The following JAKMIP3 variants were observed in gnomAD, a reference collection of about 807,000 sequenced individuals.
JAKMIP3 encodes Janus kinase and microtubule interacting protein 3, also known as janus kinase and microtubule-interacting protein 3.
A neutral mutation model predicts 118.5 loss-of-function variants in JAKMIP3; 58 were observed. That is an observed-to-expected ratio of 0.49 (90% CI 0.40 to 0.61). The LOEUF (loss-of-function observed/expected upper bound fraction) is 0.61. JAKMIP3 is among the 20% of genes least tolerant of loss of function. The probability of loss-of-function intolerance (pLI) is 0.00; values close to 1 mark genes in which losing one functional copy is unlikely to be tolerated. For synonymous variants in JAKMIP3, 486 were observed against 451.2 expected, an observed-to-expected ratio of 1.08 and a Z score of -0.98; for missense variants, 950 against 1,109.0, an observed-to-expected ratio of 0.86 and a Z score of 2.04.
At chr10:132,159,747 G>T (rs1372985945) in intron 19 of JAKMIP3, among the ~76,000 whole-genome samples, 1 of 80,926 alleles carries the variant, frequency 1.2e-5, no homozygotes, top group African/African-American at 5.4e-5. Context: ...TGATACTGGG[G>T]GGGCCTCTTC....
intron 2 of JAKMIP3, among the ~76,000 whole-genome samples, chr10:132,106,684 G>A (rs375416876): frequency 5.3e-5 from 8 of 152,192 alleles, no homozygotes; most frequent in Admixed American, 2.0e-4. Flanking sequence ...GCCCCGACTC[G>A]CTGCAGGAGC....
rs2044247823 is a variant in JAKMIP3, at chr10:132,097,989, C to CCCTTTT, written c.-137-6681_-137-6680insTTTTCC. On this transcript the variant is annotated intron_variant, in intron 1 of 23. Transcript: ENST00000684848. ...TCCTTCCTTTTCTCCCCTTCCCCTT[C>CCCTTTT]CCCTTCCCCTTCCCCTCCTTCCTTT... Among the ~76,000 whole-genome samples, 2 of 78,284 alleles carry CCCTTTT rather than the reference C, an allele frequency of 2.6e-5. 1 individual carries two copies. Among genetic ancestry groups the CCCTTTT allele is most frequent in the African/African-American group, 8.1e-5 (2 of 24,634 alleles). 51.4% of individuals were successfully genotyped at this position (78,284 alleles called of 152,430 possible).
At chr10:132,042,592 G>A (rs1484611911) in intron 1 of JAKMIP3, among the ~76,000 whole-genome samples, 1 of 152,142 alleles carries the variant, frequency 6.6e-6, no homozygotes, top group African/African-American at 2.4e-5. Context: ...CTGGCTGCAG[G>A]GATGAGTGCA....
chr10:132,182,581 T>C lies in JAKMIP3; in HGVS notation c.*1328T>C, dbSNP rs1469747223. On this transcript the variant is annotated 3_prime_UTR_variant, in exon 24 of 24. Coordinates refer to ENST00000684848, the MANE Select transcript of JAKMIP3 (RefSeq NM_001323087.2). ...CTCACTTGTGTGCACAAGCATGCGT[T>C]TATGCATGTTTTCACGCAACCAGAA... is the stretch of plus-strand genomic sequence containing the variant. The C allele has an allele frequency of 6.6e-6, 1 of 152,118 alleles. No homozygotes were observed. The highest frequency in any genetic ancestry group is 2.4e-5 in the African/African-American group (1 of 41,410). 9.4% of individuals were successfully genotyped at this position (152,118 alleles called of 1,614,324 possible). A position where few individuals can be genotyped will look rare whatever the true frequency, so the allele number is the denominator to read the frequency against.
intron 8 of JAKMIP3, 95 bp downstream of exon 8, chr10:132,137,384 C>T (rs945333330): frequency 3.4e-6 from 5 of 1,472,390 alleles, no homozygotes; most frequent in African/African-American, 1.4e-5. Context: ...ACAGACCAGA[C>T]AGAAGCGGCC....
chr10:132,182,033 G>A (rs985868997), intron 23 of JAKMIP3, among the ~76,000 whole-genome samples: 1 of 152,266 alleles, frequency 6.6e-6, no homozygotes, highest in Non-Finnish European at 1.5e-5. Flanking sequence ...GGGAAGTTGG[G>A]TAGAAACCGG....
At chr10:132,172,718 C>T (rs2059620402) in intron 23 of JAKMIP3, among the ~76,000 whole-genome samples, 1 of 151,908 alleles carries the variant, frequency 6.6e-6, no homozygotes, top group African/African-American at 2.4e-5. Flanking sequence ...CTGCAAAGCA[C>T]TCTCTTCCTC....
chr10:132,182,019 A>G (rs886919149), intron 23 of JAKMIP3, among the ~76,000 whole-genome samples: 3 of 152,264 alleles, frequency 2.0e-5, no homozygotes, highest in Admixed American at 1.3e-4. Context: ...TTTCTAAGCA[A>G]TGAGGGAAGT....
At chr10:132,076,927 C>T (rs1158778655) in intron 1 of JAKMIP3, among the ~76,000 whole-genome samples, 3 of 140,402 alleles carry the variant, frequency 2.1e-5, no homozygotes, top group East Asian at 2.1e-4. Flanking sequence ...CCGGATCTGA[C>T]AGCAGTGTGA....
At chr10:132,105,716 G>A (rs912671852) in intron 2 of JAKMIP3, among the ~76,000 whole-genome samples, 3 of 152,210 alleles carry the variant, frequency 2.0e-5, no homozygotes, top group Admixed American at 6.5e-5. Context: ...AGGAGAAGGC[G>A]AGGGAGAGAG....
intron 10 of JAKMIP3, among the ~76,000 whole-genome samples, 195 bp downstream of exon 10, chr10:132,140,774 C>T (rs1344006135): frequency 1.3e-5 from 2 of 152,194 alleles, no homozygotes; most frequent in African/African-American, 4.8e-5. Context: ...GACTCGGGCA[C>T]GGTGAGAAGC....
chr10:132,140,560 C>T lies in JAKMIP3; in HGVS notation c.1454C>T (p.Pro485Leu), dbSNP rs764540181. The T allele has an allele frequency of 5.0e-6, 8 of 1,601,070 alleles. No homozygotes were observed. Among genetic ancestry groups the T allele is most frequent in the South Asian group, 3.3e-5 (3 of 89,674 alleles). The change falls in exon 10 of 24, where the codon CCG becomes CTG. Residue 485 changes from proline to leucine, a missense_variant. By Grantham distance (98) the Pro-to-Leu change is moderately conservative. Coordinates refer to ENST00000684848, the MANE Select transcript of JAKMIP3 (RefSeq NM_001323087.2). ...AGGACGGACCAGACCCCGTGCACCC[C>T]GGACGATGACTTGGAGGAGGTAACG... ...TDRTDQTPCT[P>L]DDDLEEGMAK...
chr10:132,064,886 TCA>T (rs1301913264), upstream of JAKMIP3, among the ~76,000 whole-genome samples: 1 of 152,280 alleles, frequency 6.6e-6, no homozygotes, highest in African/African-American at 2.4e-5. This position sits in a 1 kb window ranked among gnomAD's most constrained non-coding sequence, Gnocchi z 4.4. Flanking sequence ...CCTGCCGGTC[TCA>T]GCTTTGGGGT....
chr10:132,170,399 AC>A, intron 23 of JAKMIP3: 1 of 151,698 alleles, frequency 6.6e-6, no homozygotes, highest in Non-Finnish European at 1.5e-5. Context: ...CCTCACTCCC[AC>A]CCCCTGCGGG....
intron 3 of JAKMIP3, among the ~76,000 whole-genome samples, chr10:132,131,489 T>C (rs985451083): frequency 1.1e-4 from 16 of 151,320 alleles, no homozygotes; most frequent in Admixed American, 4.6e-4. Flanking sequence ...AGATGGGAGC[T>C]CTGGGGCACC....
chr10:132,152,912 A>C, intron 16 of JAKMIP3, 46 bp from the exon 17 acceptor site: 1 of 1,490,870 alleles, frequency 6.7e-7, no homozygotes, highest in Non-Finnish European at 9.2e-7. Context: ...CCTCACCCCC[A>C]AAGGCACTGC....
chr10:132,116,288 T>G (rs1355261476), intron 2 of JAKMIP3, among the ~76,000 whole-genome samples: 1 of 152,234 alleles, frequency 6.6e-6, no homozygotes, highest in East Asian at 1.9e-4. Flanking sequence ...GTTCAGTGAT[T>G]TTCAAAAAAA....
In JAKMIP3 at chr10:132,080,933, GA is replaced by G. The variant is rs1228361427; in HGVS notation, c.-138+14873del. On this transcript the variant is annotated intron_variant, in intron 1 of 23. Transcript: ENST00000684848. ...TTTCAGCCTGTTGATTATGCCCTGTGATGCACAAAAGTTTTTAATTTTGCCA... is the reference window on the plus strand; with the variant it reads ...TTTCAGCCTGTTGATTATGCCCTGTGTGCACAAAAGTTTTTAATTTTGCCA... 3.3e-5 allele frequency among the ~76,000 whole-genome samples: 5 copies of G among 152,282 alleles called. No individual in the cohort carries two copies. In the East Asian group the frequency reaches 9.6e-4, roughly 29 times the overall value.
At chr10:132,135,725 A>G (rs2818391) in intron 5 of JAKMIP3, among the ~76,000 whole-genome samples, 119,606 of 152,070 alleles carry the variant, frequency 0.79, 48,071 homozygotes, top group East Asian at 0.99. Flanking sequence ...TGGGCACTGG[A>G]CGAGCAGGTT....
Sources: allele counts gnomAD v4.1 joint callset (sites outside exome capture counted in the v4.1 genomes callset), GRCh38; gene constraint gnomAD v4.1.1; non-coding constraint Gnocchi (gnomAD v3.1); transcripts MANE v1.5; gene names NCBI Gene and HGNC (gene_info 2026-07-23, HGNC 2026-07-21).